Variants in GLDC observed in about 807,000 individuals in gnomAD.
The protein encoded by GLDC is glycine decarboxylase, also known as glycine dehydrogenase (decarboxylating), mitochondrial.
In GLDC, 104 loss-of-function variants were observed where a neutral mutation model predicts 121.3. The observed-to-expected ratio is 0.86, with a 90% CI of 0.73 to 1.01. The LOEUF (loss-of-function observed/expected upper bound fraction) is 1.01. Among genes scored for constraint, GLDC ranks in the 50% least tolerant of loss-of-function variants. GLDC has a pLI of 0.00. For synonymous variants in GLDC, 546 were observed against 480.6 expected, an observed-to-expected ratio of 1.14 and a Z score of -1.78; for missense variants, 1,429 against 1,306.6, an observed-to-expected ratio of 1.09 and a Z score of -1.44.
chr9:6,643,163 G>T (rs922699570), intron 2 of GLDC, among the ~76,000 whole-genome samples: 1 of 152,042 alleles, frequency 6.6e-6, no homozygotes, highest in Admixed American at 6.6e-5. Flanking sequence ...CTCCCAAAAT[G>T]CTGAGATTAT....
chr9:6,574,018 C>A (rs1452269468), intron 15 of GLDC, among the ~76,000 whole-genome samples: 2 of 152,210 alleles, frequency 1.3e-5, no homozygotes, highest in Non-Finnish European at 2.9e-5. Flanking sequence ...CCCCTCAACA[C>A]AACACTCTGT....
At chr9:6,631,118 G>T (rs537178195) in intron 2 of GLDC, among the ~76,000 whole-genome samples, 1 of 152,340 alleles carries the variant, frequency 6.6e-6, no homozygotes, top group Non-Finnish European at 1.5e-5. Flanking sequence ...GCAGCGGCAC[G>T]CAGGCCCAAC....
At chr9:6,551,643 C>T (rs1326587752) in intron 20 of GLDC, among the ~76,000 whole-genome samples, 2 of 152,114 alleles carry the variant, frequency 1.3e-5, no homozygotes, top group African/African-American at 4.8e-5. Context: ...TTGCTCCAGG[C>T]TGGTCAAAGA....
chr9:6,612,174 C>T (rs11999777), intron 3 of GLDC, among the ~76,000 whole-genome samples: 2,663 of 97,158 alleles, frequency 0.027, 76 homozygotes, highest in African/African-American at 0.1. Flanking sequence ...CTGTTGTATA[C>T]ACACACACAC....
intron 11 of GLDC, among the ~76,000 whole-genome samples, chr9:6,590,681 A>G (rs1818358712): frequency 6.6e-6 from 1 of 152,236 alleles, no homozygotes; most frequent in South Asian, 2.1e-4. Flanking sequence ...TTTATAAATT[A>G]TTTAGCCTCA....
chr9:6,560,542 G>C (rs1259880247), intron 16 of GLDC, among the ~76,000 whole-genome samples: 1 of 152,198 alleles, frequency 6.6e-6, no homozygotes, highest in African/African-American at 2.4e-5. Context: ...TGGAGGCACT[G>C]TCCTCTCTCA....
At chr9:6,606,180 G>A (rs934900072) in intron 5 of GLDC, 3 of 208,136 alleles carry the variant, frequency 1.4e-5, no homozygotes, top group South Asian at 7.7e-5. Flanking sequence ...GTGGTGGCGG[G>A]CACCTGTAGT....
Position 6,604,672 on chromosome 9 carries a change from C to T in GLDC, c.974G>A (p.Gly325Asp). 6.2e-7 allele frequency: 1 copy of T among 1,614,100 alleles called. No individual in the cohort carries two copies. The change falls in exon 7 of 25, where the codon GGC becomes GAC. Residue 325 changes from glycine (G) to aspartate (D), a missense_variant. Gly to Asp is a moderately conservative substitution (Grantham distance 94, BLOSUM62 -1). Transcript: ENST00000321612. ...GSSQRFGVPLGYGGPHAAFFA... is the reference protein window; with the variant it reads ...GSSQRFGVPLDYGGPHAAFFA... ...AAATGCTGCATGGGGTCCCCCATAG[C>T]CCAGTGGCACTCCAAATCTCTGGGA...
At chr9:6,587,942 T>G (rs1354006469) in intron 14 of GLDC, among the ~76,000 whole-genome samples, 2 of 152,108 alleles carry the variant, frequency 1.3e-5, no homozygotes, top group African/African-American at 4.8e-5. Flanking sequence ...CCTGGCCTAG[T>G]AGAGATACTT....
rs181360342 is a variant in GLDC at position 6,644,885 on chromosome 9, C to A, written c.256-193G>T. 6.0e-5 allele frequency: 38 copies of A among 637,542 alleles called. No homozygotes were observed. In the Admixed American group the frequency reaches 7.2e-4, roughly 12 times the overall value. 39.5% of individuals were successfully genotyped at this position (637,542 alleles called of 1,614,324 possible). On this transcript the variant is annotated intron_variant, in intron 1 of 24. Coordinates refer to ENST00000321612, the MANE Select transcript of GLDC (RefSeq NM_000170.3). ...AAATCGTGAAGTGGGGTGGAGATTCCGCCACTCGGGGTTGGATTTCAGTTG... is the reference window on the plus strand; with the variant it reads ...AAATCGTGAAGTGGGGTGGAGATTCAGCCACTCGGGGTTGGATTTCAGTTG...
At chr9:6,571,864 A>G (rs1404038594) in intron 15 of GLDC, among the ~76,000 whole-genome samples, 4 of 152,242 alleles carry the variant, frequency 2.6e-5, no homozygotes, top group African/African-American at 9.6e-5. Flanking sequence ...CACATAGATC[A>G]ATGGAATAGA....
At chr9:6,552,639 G>A (rs1416795536) in intron 20 of GLDC, among the ~76,000 whole-genome samples, 3 of 152,118 alleles carry the variant, frequency 2.0e-5, no homozygotes, top group East Asian at 1.9e-4. Flanking sequence ...TTCAGTGGGA[G>A]CCCGCCTTCC....
chr9:6,590,034 G>A (rs190721251), intron 11 of GLDC, among the ~76,000 whole-genome samples: 4 of 151,722 alleles, frequency 2.6e-5, no homozygotes, highest in East Asian at 3.9e-4. Flanking sequence ...CACCCTGGGC[G>A]ACAGAGCAAG....
intron 2 of GLDC, among the ~76,000 whole-genome samples, chr9:6,623,730 A>T (rs142475639): frequency 1.2e-4 from 18 of 152,370 alleles, no homozygotes; most frequent in Non-Finnish European, 2.4e-4. Context: ...ATGGAAGATG[A>T]TCTTGCCTTC....
At position 6,645,389 on chromosome 9, in the gene GLDC, G is replaced by C. The variant is rs1265292565; in HGVS notation, c.111C>G (p.Ser37Arg). 1 of 1,517,460 alleles carries C rather than the reference G, an allele frequency of 6.6e-7. No homozygotes were observed. The highest frequency in any genetic ancestry group is 2.7e-5 in the East Asian group (1 of 37,574). 94.0% of individuals were successfully genotyped at this position (1,517,460 alleles called of 1,614,324 possible). A position where few individuals can be genotyped will look rare whatever the true frequency, so the allele number is the denominator to read the frequency against. Residue 37 changes from serine to arginine, a missense_variant, in exon 1 of 25, where the codon AGC (serine) becomes AGG (arginine). Ser to Arg is a moderately radical substitution (Grantham distance 110). Transcript: ENST00000321612. Reference sequence around the variant, plus strand: ...CGGCGCTGTCCCCGCCGCCACTGCTGCTGTCCCGGCTCCGCGGCGCCCAGC... The same window carrying C: ...CGGCGCTGTCCCCGCCGCCACTGCTCCTGTCCCGGCTCCGCGGCGCCCAGC... ...GPCWAPRSRD[S>R]SSGGGDSAAA...
At chr9:6,556,023 A>G in intron 18 of GLDC, 130 bp downstream of exon 18, 1 of 693,748 alleles carries the variant, frequency 1.4e-6, no homozygotes, top group South Asian at 1.7e-5. Flanking sequence ...GAGATCAACA[A>G]CCACCAGTGG....
At chr9:6,536,895 C>T (rs957809257) in intron 22 of GLDC, among the ~76,000 whole-genome samples, 5 of 152,190 alleles carry the variant, frequency 3.3e-5, no homozygotes, top group Non-Finnish European at 5.9e-5. Context: ...TTACATTGAA[C>T]ACAGGCTCAG....
chr9:6,565,049 T>G (rs1563839537), intron 16 of GLDC, among the ~76,000 whole-genome samples: 1 of 152,192 alleles, frequency 6.6e-6, no homozygotes, highest in Non-Finnish European at 1.5e-5. Context: ...ATGCTTGCAA[T>G]GGCAACATTC....
chr9:6,642,519 A>T (rs2130021778), intron 2 of GLDC, among the ~76,000 whole-genome samples: 1 of 152,360 alleles, frequency 6.6e-6, no homozygotes, highest in Non-Finnish European at 1.5e-5. Flanking sequence ...CAACAGAACA[A>T]GAATCCATTT....
Sources: allele counts gnomAD v4.1 joint callset (sites outside exome capture counted in the v4.1 genomes callset), GRCh38; gene constraint gnomAD v4.1.1; transcripts MANE v1.5; gene names NCBI Gene and HGNC (gene_info 2026-07-23, HGNC 2026-07-21).